CACNA1I: variants seen among roughly 807,000 people sequenced by gnomAD.
CACNA1I encodes voltage-dependent T-type calcium channel subunit alpha-1I.
In CACNA1I, 74 loss-of-function variants were observed where a neutral mutation model predicts 201.6. The ratio of observed to expected loss-of-function variants is 0.37; its 90% CI spans 0.30 to 0.45. The LOEUF is 0.45. Among genes scored for constraint, CACNA1I ranks in the 20% least tolerant of loss-of-function variants. CACNA1I has a pLI of 1.00. For synonymous variants in CACNA1I, 1,431 were observed against 1,345.2 expected, an observed-to-expected ratio of 1.06 and a Z score of -1.40; for missense variants, 2,346 against 3,138.1, an observed-to-expected ratio of 0.75 and a Z score of 6.03.
At position 39,670,238 on chromosome 22, in the gene CACNA1I, G is replaced by T. The variant is rs1242511030; in HGVS notation, c.4387+8G>T. On this transcript the variant is annotated splice_region_variant and intron_variant, in intron 25 of 36. Coordinates refer to ENST00000402142, the MANE Select transcript of CACNA1I (RefSeq NM_021096.4). ...TGGAGAAGAAGCGCCGGAGTGAGTG[G>T]GTGCCTGTGGAGGGCGTGGGCCACC... The T allele has an allele frequency of 6.2e-7, 1 of 1,609,982 alleles. No individual in the cohort carries two copies. Among genetic ancestry groups the T allele is most frequent in the Non-Finnish European group, 8.5e-7 (1 of 1,179,386 alleles).
At chr22:39,575,234 G>T (rs1426151122) in intron 1 of CACNA1I, among the ~76,000 whole-genome samples, 1 of 152,230 alleles carries the variant, frequency 6.6e-6, no homozygotes, top group Non-Finnish European at 1.5e-5. Flanking sequence ...GAATCACACA[G>T]ACCCAGAGGC....
intron 3 of CACNA1I, among the ~76,000 whole-genome samples, chr22:39,617,866 C>T (rs1475267735): frequency 5.5e-5 from 8 of 145,418 alleles, no homozygotes; most frequent in Non-Finnish European, 9.1e-5. Flanking sequence ...TCTGCCAGCT[C>T]CCCCCTCCCT....
rs370752672 is a variant in CACNA1I, at chr22:39,649,864, G to A, written c.1931G>A (p.Arg644Gln). 90 of 1,613,592 alleles carry A rather than the reference G, an allele frequency of 5.6e-5. No homozygotes were observed. The highest frequency in any genetic ancestry group is 4.3e-4 in the South Asian group (39 of 91,086). Residue 644 changes from arginine (R) to glutamine (Q), a missense_variant, in exon 10 of 37, where the codon CGG becomes CAG. Arg to Gln is a conservative substitution (Grantham distance 43, BLOSUM62 1). Around this residue, in one of 13 missense-constraint regions of CACNA1I, gnomAD observed 312 missense variants for 331.5 expected, o/e 0.94. Coordinates refer to ENST00000402142, the MANE Select transcript of CACNA1I (RefSeq NM_021096.4). This position sits in a 1 kb window ranked among gnomAD's most constrained non-coding sequence, Gnocchi z 7.3. ...ATCGTGGACAGCAAGTACTTCAACC[G>A]GGGCATCATGATGGCCATCCTGGTC... ...RGIVDSKYFN[R>Q]GIMMAILVNT...
At position 39,681,244 on chromosome 22, in the gene CACNA1I, C is replaced by A. The variant is rs1935695821; in HGVS notation, c.5664+192C>A. ...GTGGAGTGATTTGCCTGAGGTCACA[C>A]AGCCACAAGCCCAGCCAGCACTCCA... On this transcript the variant is annotated intron_variant, in intron 34 of 36. Transcript: ENST00000402142. 4.6e-5 allele frequency among the ~76,000 whole-genome samples: 7 copies of A among 152,246 alleles called. No individual in the cohort carries two copies. In the South Asian group the frequency reaches 1.4e-3, roughly 31 times the overall value.
At chr22:39,572,764 G>GTT (rs374764306) in intron 1 of CACNA1I, among the ~76,000 whole-genome samples, 1 of 146,608 alleles carries the variant, frequency 6.8e-6, no homozygotes, top group African/African-American at 2.5e-5. Context: ...CATTTGGCTA[G>GTT]TTTTTTTTTT....
chr22:39,631,988 G>A lies in CACNA1I; in HGVS notation c.581-2577G>A, dbSNP rs112029816. ...GGCCCCAGGGAGGGCTGTGAAGTGC[G>A]CTGGGGCCCAGCTGGGCAGAGTGAG... is the stretch of plus-strand genomic sequence containing the variant. On this transcript the variant is annotated intron_variant, in intron 4 of 36. Coordinates refer to ENST00000402142, the MANE Select transcript of CACNA1I (RefSeq NM_021096.4). 1.1e-4 allele frequency among the ~76,000 whole-genome samples: 16 copies of A among 152,166 alleles called. 2 individuals carry two copies. Among genetic ancestry groups the A allele is most frequent in the African/African-American group, 3.6e-4 (15 of 41,516 alleles).
At chr22:39,638,677 G>C (rs1471841239) in intron 5 of CACNA1I, among the ~76,000 whole-genome samples, 2 of 151,456 alleles carry the variant, frequency 1.3e-5, no homozygotes, top group Non-Finnish European at 2.9e-5. Flanking sequence ...TTTCCCCCTA[G>C]TGGGTTATTT....
In CACNA1I at chr22:39,684,354, A is replaced by G. The variant is rs919164158; in HGVS notation, c.5883A>G (p.Pro1961=). The change falls in exon 36 of 37, where the codon CCA becomes CCG. Residue 1961 remains proline, a synonymous_variant. Transcript: ENST00000402142. The surrounding 1 kb of genome is among the most constrained non-coding windows in gnomAD (Gnocchi z 4.6). The stretch of plus-strand genomic sequence containing the variant: ...CCTCCAGCCCTCTCCTGCCCATGCC[A>G]GCCGAGTTCTTCCACCCTGCAGTGT... ...PDASSPLLPM[P]AEFFHPAVSA... 9 of 1,613,506 alleles carry G rather than the reference A, an allele frequency of 5.6e-6. No individual in the cohort carries two copies. Among genetic ancestry groups the G allele is most frequent in the Non-Finnish European group, 7.6e-6 (9 of 1,179,820 alleles).
chr22:39,662,936 C>T, intron 18 of CACNA1I, 60 bp downstream of exon 18: 4 of 1,158,208 alleles, frequency 3.5e-6, no homozygotes, highest in Non-Finnish European at 5.0e-6. Flanking sequence ...AGGGACGGAT[C>T]TCTGCCAAGC....
At chr22:39,607,902 G>GT (rs1933266305) in intron 3 of CACNA1I, among the ~76,000 whole-genome samples, 1 of 150,588 alleles carries the variant, frequency 6.6e-6, no homozygotes, top group Non-Finnish European at 1.5e-5. Flanking sequence ...AGGCGGGGGG[G>GT]GGTCACCTGA....
chr22:39,678,337 G>A (rs9611210), intron 31 of CACNA1I, among the ~76,000 whole-genome samples: 212 of 152,356 alleles, frequency 1.4e-3, no homozygotes, highest in Non-Finnish European at 2.6e-3. Flanking sequence ...CCTGGGATCA[G>A]GGCTCAGATT....
chr22:39,602,823 A>G (rs1933107411), intron 3 of CACNA1I, among the ~76,000 whole-genome samples: 1 of 151,942 alleles, frequency 6.6e-6, no homozygotes. Flanking sequence ...ACCTTTCTCT[A>G]GGGCAGGTCT....
chr22:39,653,233 C>T (rs1237241372), intron 10 of CACNA1I, among the ~76,000 whole-genome samples: 1 of 152,200 alleles, frequency 6.6e-6, no homozygotes, highest in Non-Finnish European at 1.5e-5. Context: ...TCTGAGCTCA[C>T]ACCACCACCC....
At chr22:39,598,357 C>T in intron 2 of CACNA1I, 95 bp downstream of exon 2, 2 of 635,698 alleles carry the variant, frequency 3.1e-6, no homozygotes, top group Non-Finnish European at 5.6e-6. Flanking sequence ...CATGTCCTGG[C>T]CTTGCCCCGC....
intron 6 of CACNA1I, among the ~76,000 whole-genome samples, chr22:39,642,584 G>C (rs540082613): frequency 1.3e-5 from 2 of 152,348 alleles, no homozygotes; most frequent in South Asian, 2.1e-4. Context: ...CTTCCTGGCT[G>C]TGTGACAGTG....
At chr22:39,591,185 GT>G (rs1932817154) in intron 1 of CACNA1I, among the ~76,000 whole-genome samples, 1 of 136,202 alleles carries the variant, frequency 7.3e-6, no homozygotes, top group African/African-American at 2.8e-5. Flanking sequence ...CTGAGACGGA[GT>G]TTCACTCTCG....
At position 39,577,935 on chromosome 22, in the gene CACNA1I, G is replaced by A. The variant is rs117296472; in HGVS notation, c.236+6947G>A. 2.6e-5 allele frequency among the ~76,000 whole-genome samples: 4 copies of A among 152,360 alleles called. No individual in the cohort carries two copies. The East Asian group carries it at 7.7e-4, about 29-fold the overall frequency. On this transcript the variant is annotated intron_variant, in intron 1 of 36. Coordinates refer to ENST00000402142, the MANE Select transcript of CACNA1I (RefSeq NM_021096.4). The stretch of plus-strand genomic sequence containing the variant: ...TCATCTGTGAAATGGGGGCCACAGT[G>A]ACCCCCAGTTGGGGATATTAAGGGG...
intron 4 of CACNA1I, among the ~76,000 whole-genome samples, chr22:39,628,835 CCG>C (rs1244613237): frequency 1.3e-5 from 2 of 152,186 alleles, no homozygotes; most frequent in Non-Finnish European, 2.9e-5. Context: ...TCCCCTCGCC[CCG>C]ACTCCACTCT....
intron 1 of CACNA1I, among the ~76,000 whole-genome samples, chr22:39,571,924 TG>T (rs1365536850): frequency 6.6e-6 from 1 of 151,716 alleles, no homozygotes; most frequent in Non-Finnish European, 1.5e-5. Flanking sequence ...TGGGTGTACA[TG>T]GGCAATGCCA....
Sources: gnomAD v4.1 joint callset for allele counts (sites outside exome capture counted in the v4.1 genomes callset) on GRCh38, gnomAD v4.1.1 for gene constraint, gnomAD v4.1.1 regional missense constraint, Gnocchi (gnomAD v3.1) non-coding constraint, MANE v1.5 for transcripts, NCBI Gene and HGNC (gene_info 2026-07-23, HGNC 2026-07-21) for gene names.